Variants in SYNE1 observed in about 807,000 individuals in gnomAD.
SYNE1 encodes nesprin-1.
Under a neutral mutation model 1,111.0 loss-of-function variants are expected in SYNE1, and 616 were observed. The observed-to-expected ratio is 0.55, with a 90% CI of 0.52 to 0.59. The LOEUF (loss-of-function observed/expected upper bound fraction) is 0.59. Among genes scored for constraint, SYNE1 ranks in the 20% least tolerant of loss-of-function variants. SYNE1 has a pLI of 0.00. For missense variants in SYNE1, 10,006 were observed against 10,417.0 expected, an observed-to-expected ratio of 0.96 and a Z score of 1.72; for synonymous variants, 3,855 against 3,825.8, an observed-to-expected ratio of 1.01 and a Z score of -0.28.
intron 100 of SYNE1, among the ~76,000 whole-genome samples, 170 bp from the exon 101 acceptor site, chr6:152,262,358 T>C (rs1562595389): frequency 6.6e-6 from 1 of 152,218 alleles, no homozygotes; most frequent in South Asian, 2.1e-4. Flanking sequence ...AAAGCAACTA[T>C]ATTCCTACTC....
chr6:152,479,828 T>C (rs1198113780), intron 14 of SYNE1, among the ~76,000 whole-genome samples: 4 of 152,298 alleles, frequency 2.6e-5, no homozygotes, highest in East Asian at 3.9e-4. Flanking sequence ...TTTTCAGAAA[T>C]AGTAAAACAA....
chr6:152,562,218 A>G (rs963011452), intron 3 of SYNE1, among the ~76,000 whole-genome samples: 3 of 152,158 alleles, frequency 2.0e-5, no homozygotes, highest in Non-Finnish European at 2.9e-5. Flanking sequence ...TAGCAGAAAA[A>G]CAAACAAAGA....
chr6:152,127,646 C>A (rs77638436), intron 145 of SYNE1: 1 of 152,126 alleles, frequency 6.6e-6, no homozygotes, highest in African/African-American at 2.4e-5. Flanking sequence ...AGAAACCTAT[C>A]GGAGCCTTAC....
In SYNE1 at chr6:152,269,305, A is replaced by G. The variant is rs1048418012; in HGVS notation, c.18574-19T>C. On this transcript the variant is annotated intron_variant, in intron 98 of 145. Transcript: ENST00000367255. Reference sequence around the variant, plus strand: ...CTGTTCCCTGCTTTTAACGAGGCAGAAATCAAGTCATGCTACACACCGGAA... The same window carrying G: ...CTGTTCCCTGCTTTTAACGAGGCAGGAATCAAGTCATGCTACACACCGGAA... 1 of 1,613,900 alleles carries G rather than the reference A, an allele frequency of 6.2e-7. No homozygotes were observed.
At chr6:152,565,738 G>A (rs2099411250) in intron 3 of SYNE1, among the ~76,000 whole-genome samples, 1 of 151,238 alleles carries the variant, frequency 6.6e-6, no homozygotes, top group Admixed American at 6.6e-5. Context: ...AGAGGGAGAT[G>A]GTTTTCAGTT....
chr6:152,242,481 T>C (rs1189292277), intron 106 of SYNE1, 41 bp from the exon 107 acceptor site: 3 of 1,607,952 alleles, frequency 1.9e-6, no homozygotes, highest in African/African-American at 2.7e-5. Context: ...CAATTCATAT[T>C]CTGGCAACCC....
intron 141 of SYNE1, 108 bp downstream of exon 141, chr6:152,136,510 T>C (rs1284489466): frequency 7.4e-7 from 1 of 1,356,866 alleles, no homozygotes; most frequent in Non-Finnish European, 1.0e-6. Flanking sequence ...AATACTGACT[T>C]TGGGGAGCAA....
In SYNE1 at chr6:152,388,243, C is replaced by T. The variant is rs547890814; in HGVS notation, c.8178-862G>A. On this transcript the variant is annotated intron_variant, in intron 53 of 145. Coordinates refer to ENST00000367255, the MANE Select transcript of SYNE1 (RefSeq NM_182961.4). The stretch of plus-strand genomic sequence containing the variant: ...GTTCCTCAAATAATTTTCTAAAAAG[C>T]ACCCCCCGCCTTTTTTTTTTTTGAC... 7.9e-5 allele frequency among the ~76,000 whole-genome samples: 12 copies of T among 151,660 alleles called. 2 individuals are homozygous for T. Among genetic ancestry groups the T allele is most frequent in the African/African-American group, 2.9e-4 (12 of 41,218 alleles).
At position 152,225,723 on chromosome 6, in the gene SYNE1, T is replaced by G. The variant is rs766914765; in HGVS notation, c.21349A>C (p.Met7117Leu). 1.2e-5 allele frequency: 19 copies of G among 1,614,044 alleles called. No homozygotes were observed. Among genetic ancestry groups the G allele is most frequent in the Middle Eastern group, 1.6e-4 (1 of 6,084 alleles). The change falls in exon 116 of 146, where the codon ATG becomes CTG. Residue 7117 changes from methionine to leucine, a missense_variant and splice_region_variant. By Grantham distance (15) the Met-to-Leu change is conservative. Around this residue, in one of 7 missense-constraint regions of SYNE1, gnomAD observed 2,182 missense variants for 2,287.8 expected, o/e 0.95. Transcript: ENST00000367255. Reference protein sequence around the residue: ...LGQTWANLDHMVGQLKILLKS... With the variant: ...LGQTWANLDHLVGQLKILLKS... ...TGGCTTTCTGTGAGCAATATTACCA[T>G]GTGATCTAAATTTGCCCAGGTTTGG...
chr6:152,299,924 T>C (rs2095084277), intron 93 of SYNE1, among the ~76,000 whole-genome samples: 2 of 152,176 alleles, frequency 1.3e-5, no homozygotes, highest in Non-Finnish European at 2.9e-5. Context: ...TTACTTAACA[T>C]GCATTAAAAG....
Position 152,234,523 on chromosome 6 carries a change from G to A in SYNE1, c.20529+145C>T, listed in dbSNP as rs978792165. 6 of 905,242 alleles carry A rather than the reference G, an allele frequency of 6.6e-6. No homozygotes were observed. In the Middle Eastern group the frequency reaches 6.8e-4, roughly 103 times the overall value. The allele number at this position is 905,242 out of a possible 1,614,324, so 56.1% of individuals were successfully genotyped here. On this transcript the variant is annotated intron_variant, in intron 111 of 145. Transcript: ENST00000367255. ...TTGGTCAGGCTGGTCCCGAACTCCT[G>A]ACCTCGTGATCTGACTGCTTGGCCT...
intron 16 of SYNE1, among the ~76,000 whole-genome samples, chr6:152,467,567 G>A (rs1291919748): frequency 6.6e-6 from 1 of 152,132 alleles, no homozygotes; most frequent in Admixed American, 6.5e-5. Flanking sequence ...AATAGTGCAT[G>A]TGGTTCATAG....
rs146793461 is a variant in SYNE1 at position 152,539,510 on chromosome 6, G to T, written c.129+450C>A. 5.6e-4 allele frequency among the ~76,000 whole-genome samples: 85 copies of T among 152,196 alleles called. No homozygotes were observed. In the East Asian group the frequency reaches 0.014, roughly 25 times the overall value. On this transcript the variant is annotated intron_variant, in intron 4 of 145. Transcript: ENST00000367255. ...AGCCTTTTCATGTCCTATTACCATG[G>T]TTACTTTTTTAAATCAAAGCACCAG...
intron 3 of SYNE1, among the ~76,000 whole-genome samples, chr6:152,604,992 GAAAGAAAGAAAGAA>G (rs1241492703): frequency 0.027 from 655 of 24,490 alleles, 5 homozygotes; most frequent in Middle Eastern, 0.083. Flanking sequence ...AAGAAAGAAA[GAAAGAAAGAAAGAA>G]AGAGAGAGAG....
chr6:152,268,495 C>T (rs1344730278), intron 99 of SYNE1, among the ~76,000 whole-genome samples: 1 of 151,662 alleles, frequency 6.6e-6, no homozygotes, highest in Non-Finnish European at 1.5e-5. Context: ...TATTGTCATG[C>T]TAAAAGGATA....
chr6:152,444,570 C>T lies in SYNE1; in HGVS notation c.3678G>A (p.Lys1226=). 1 of 1,609,370 alleles carries T rather than the reference C, an allele frequency of 6.2e-7. No homozygotes were observed. The highest frequency in any genetic ancestry group is 8.5e-7 in the Non-Finnish European group (1 of 1,178,588). The part of the protein sequence containing the change: ...ALVTLLSEVE[K]MLSNFGDCVQ... ...CACAGTCCCCAAAATTGCTTAGCAT[C>T]TTTTCAACCTATATTTTCATGAAAA... Residue 1226 remains lysine (K), a synonymous_variant, in exon 30 of 146, where the codon AAG becomes AAA. Transcript: ENST00000367255.
Position 152,262,046 on chromosome 6 carries a change from C to T in SYNE1, c.18958G>A (p.Glu6320Lys), listed in dbSNP as rs772861057. Residue 6320 changes from glutamate (E) to lysine (K), a missense_variant, in exon 101 of 146, where the codon GAA becomes AAA. This residue lies in a region of SYNE1 where 2,182 missense variants were observed against 2,287.8 expected (regional missense o/e 0.95). Coordinates refer to ENST00000367255, the MANE Select transcript of SYNE1 (RefSeq NM_182961.4). ...ATATTTGATACCACTTGCTCTTGTT[C>T]CTGTTCCAGAACATTCTGTAGTAGT... ...QKLLQNVLEQ[E>K]QEQVLYSRPN... 2.5e-6 allele frequency: 4 copies of T among 1,613,162 alleles called. No individual in the cohort carries two copies. The South Asian group carries it at 4.4e-5, about 18-fold the overall frequency.
chr6:152,539,990 G>C lies in SYNE1; in HGVS notation c.99C>G (p.Phe33Leu). The change falls in exon 4 of 146, where the codon TTC becomes TTG. Residue 33 changes from phenylalanine (F) to leucine (L), a missense_variant. Physicochemically the swap from Phe to Leu is conservative, Grantham distance 22. Around this residue, in one of 7 missense-constraint regions of SYNE1, gnomAD observed 1,971 missense variants for 2,084.1 expected, o/e 0.95. Transcript: ENST00000367255. ...CCAGATGAGAGTTGATCCATTTTGT[G>C]AAAGTTCGTTTTTGTACTATCTCTT... ...DEQEIVQKRT[F>L]TKWINSHLAK... 2 of 1,613,874 alleles carry C rather than the reference G, an allele frequency of 1.2e-6. No individual in the cohort carries two copies. The highest frequency in any genetic ancestry group is 1.7e-6 in the Non-Finnish European group (2 of 1,179,886).
At chr6:152,596,314 C>A (rs558679260) in intron 3 of SYNE1, among the ~76,000 whole-genome samples, 1 of 143,490 alleles carries the variant, frequency 7.0e-6, no homozygotes, top group African/African-American at 2.7e-5. Context: ...GTTGCCCAGG[C>A]GATCTCAGCT....
Sources: gnomAD v4.1 joint callset for allele counts (sites outside exome capture counted in the v4.1 genomes callset) on GRCh38, gnomAD v4.1.1 for gene constraint, gnomAD v4.1.1 regional missense constraint, MANE v1.5 for transcripts, NCBI Gene and HGNC (gene_info 2026-07-23, HGNC 2026-07-21) for gene names.